The following HERC3 variants were observed in gnomAD, a reference collection of about 807,000 sequenced individuals.
HERC3 encodes the protein HECT and RLD domain containing E3 ubiquitin protein ligase 3, also known as probable E3 ubiquitin-protein ligase HERC3.
Under a neutral mutation model 129.9 loss-of-function variants are expected in HERC3, and 58 were observed. That is an observed-to-expected ratio of 0.45 (90% CI 0.36 to 0.56). The LOEUF (loss-of-function observed/expected upper bound fraction) is 0.56, where lower values mean the gene tolerates loss of function less well. Ranked by LOEUF, HERC3 falls within the 20% of genes least tolerant of loss-of-function variation. The pLI is 0.00. For missense variants in HERC3, 835 were observed against 1,244.2 expected (o/e 0.67, Z 4.95); for synonymous variants, 430 against 451.0 (o/e 0.95, Z 0.59).
chr4:88,704,032 A>T, intron 23 of HERC3, 66 bp from the exon 24 acceptor site: 1 of 1,403,846 alleles, frequency 7.1e-7, no homozygotes, highest in East Asian at 2.3e-5. Flanking sequence ...ATCTCAGTGT[A>T]GAAGGGTAAC....
the HERC3 span, chr4:88,528,122 G>A: frequency 4.1e-6 from 1 of 244,534 alleles, no homozygotes. Flanking sequence ...CCTTTGCACT[G>A]ACCCCAAACA....
At chr4:88,551,114 C>T in the HERC3 span, among the ~76,000 whole-genome samples, 1 of 150,732 alleles carries the variant, frequency 6.6e-6, no homozygotes, top group Non-Finnish European at 1.5e-5. Flanking sequence ...CCCTTCCTTA[C>T]ACCTTATACA....
rs73844050 is a variant in HERC3, at chr4:88,632,812, G to A, written c.227-17028G>A. Among the ~76,000 whole-genome samples, 232 of 152,308 alleles carry A rather than the reference G, an allele frequency of 1.5e-3. 2 individuals are homozygous for A. The highest frequency in any genetic ancestry group is 5.1e-3 in the African/African-American group (212 of 41,564). On this transcript the variant is annotated intron_variant, in intron 3 of 25. Coordinates refer to ENST00000402738, the MANE Select transcript of HERC3 (RefSeq NM_014606.3). ...CTAATATGTCTTTAGAGTCCCAGCC[G>A]GAGAGGACAAAGGATGTAGTGCAAA...
chr4:88,544,099 A>G, the HERC3 span, among the ~76,000 whole-genome samples: 4 of 152,248 alleles, frequency 2.6e-5, no homozygotes, highest in East Asian at 7.7e-4. Flanking sequence ...GAGCTTCTGC[A>G]CAGCAAAAGT....
At chr4:88,598,040 T>TCCC (rs1560655577) in intron 2 of HERC3, 1 of 152,218 alleles carries the variant, frequency 6.6e-6, no homozygotes, top group Non-Finnish European at 1.5e-5. Flanking sequence ...TTGGACATTG[T>TCCC]CTTTTCCTGC....
rs1247594890 is a variant in HERC3, at chr4:88,708,133, A to G, written c.*1173A>G. ...ATTATGAAACTTTATCACATTCGAA[A>G]TGTTTGTTTACAGTGGGATTTTAGG... On this transcript the variant is annotated 3_prime_UTR_variant, in exon 26 of 26. Coordinates refer to ENST00000402738, the MANE Select transcript of HERC3 (RefSeq NM_014606.3). 1 of 152,488 alleles carries G rather than the reference A, an allele frequency of 6.6e-6. No individual in the cohort carries two copies. Among genetic ancestry groups the G allele is most frequent in the African/African-American group, 2.4e-5 (1 of 41,398 alleles). The allele number at this position is 152,488 out of a possible 1,614,324, so 9.4% of individuals were successfully genotyped here.
chr4:88,698,806 C>A (rs1382906570), intron 23 of HERC3, among the ~76,000 whole-genome samples: 1 of 149,228 alleles, frequency 6.7e-6, no homozygotes, highest in African/African-American at 2.5e-5. Context: ...TCTTCTTCCC[C>A]GCCTTCTTCC....
intron 10 of HERC3, among the ~76,000 whole-genome samples, chr4:88,660,819 C>T (rs971059005): frequency 6.6e-6 from 1 of 152,068 alleles, no homozygotes; most frequent in Non-Finnish European, 1.5e-5. Flanking sequence ...CACCTGGGAG[C>T]TCTACAAAAT....
chr4:88,565,373 C>G, the HERC3 span, among the ~76,000 whole-genome samples: 1 of 152,106 alleles, frequency 6.6e-6, no homozygotes. Context: ...GTCTATCTCT[C>G]TCTTTAGCTA....
At chr4:88,647,010 AG>A (rs1286216425) in intron 3 of HERC3, among the ~76,000 whole-genome samples, 1 of 152,146 alleles carries the variant, frequency 6.6e-6, no homozygotes, top group Non-Finnish European at 1.5e-5. Flanking sequence ...TTCCCAACTC[AG>A]CCTTGCACCA....
In HERC3 at chr4:88,653,062, C is replaced by T. The variant is rs373505048; in HGVS notation, c.657C>T (p.Ala219=). 56 of 1,614,026 alleles carry T rather than the reference C, an allele frequency of 3.5e-5. No homozygotes were observed. Among genetic ancestry groups the T allele is most frequent in the East Asian group, 2.0e-4 (9 of 44,896 alleles). ...GAVFGWGMNN[A]GQLGLSDEKD... ...TTTTTGGCTGGGGGATGAATAATGC[C>T]GGGCAGCTAGGGCTCAGTGATGAAA... The change falls in exon 6 of 26, where the codon GCC becomes GCT. Residue 219 remains alanine (A), a synonymous_variant. Coordinates refer to ENST00000402738, the MANE Select transcript of HERC3 (RefSeq NM_014606.3).
At chr4:88,617,261 T>C (rs1725011848) in intron 3 of HERC3, among the ~76,000 whole-genome samples, 1 of 151,844 alleles carries the variant, frequency 6.6e-6, no homozygotes, top group South Asian at 2.1e-4. Flanking sequence ...TTGACTCTTT[T>C]TGGGAGTTGT....
intron 23 of HERC3, chr4:88,697,820 G>C: frequency 6.6e-7 from 1 of 1,509,604 alleles, no homozygotes; most frequent in Non-Finnish European, 8.8e-7. Flanking sequence ...AGCTGGTCCA[G>C]AGAGATCTTG....
the HERC3 span, among the ~76,000 whole-genome samples, chr4:88,563,227 G>C: frequency 6.6e-6 from 1 of 152,042 alleles, no homozygotes; most frequent in Non-Finnish European, 1.5e-5. Context: ...TCTTTGGTTA[G>C]TTCTTAAGTG....
At chr4:88,662,191 A>G (rs545196917) in intron 10 of HERC3, among the ~76,000 whole-genome samples, 212 of 152,286 alleles carry the variant, frequency 1.4e-3, no homozygotes, top group African/African-American at 4.9e-3. Flanking sequence ...CCTTTACACC[A>G]TGCCTCTACC....
intron 3 of HERC3, among the ~76,000 whole-genome samples, chr4:88,619,118 G>C (rs970604809): frequency 6.6e-6 from 1 of 152,178 alleles, no homozygotes; most frequent in Non-Finnish European, 1.5e-5. Flanking sequence ...TCCTGTGGCT[G>C]GTCATCCTGG....
intron 1 of HERC3, among the ~76,000 whole-genome samples, chr4:88,594,714 ACTTTTT>A (rs1436908306): frequency 2.6e-5 from 4 of 152,076 alleles, no homozygotes; most frequent in African/African-American, 9.7e-5. Context: ...ATCATGGAGG[ACTTTTT>A]CTTTTGAGAT....
intron 23 of HERC3, among the ~76,000 whole-genome samples, chr4:88,699,338 C>A (rs186427694): frequency 0.016 from 643 of 40,634 alleles, 47 homozygotes; most frequent in African/African-American, 0.046. Context: ...ACCCACGCAG[C>A]CCCACCCTCT....
intron 1 of HERC3, among the ~76,000 whole-genome samples, chr4:88,594,187 G>A (rs952276688): frequency 2.0e-5 from 3 of 152,148 alleles, no homozygotes; most frequent in African/African-American, 7.2e-5. Context: ...TCCATGTTGT[G>A]TGCTTGAAGC....
Sources: allele counts gnomAD v4.1 joint callset (sites outside exome capture counted in the v4.1 genomes callset), GRCh38; gene constraint gnomAD v4.1.1; transcripts MANE v1.5; gene names NCBI Gene and HGNC (gene_info 2026-07-23, HGNC 2026-07-21).